KCNG3: variants seen among roughly 807,000 people sequenced by gnomAD.
KCNG3 encodes voltage-gated potassium channel regulatory subunit KCNG3.
Under a neutral mutation model 29.0 loss-of-function variants are expected in KCNG3, and 15 were observed. The observed-to-expected ratio is 0.52, with a 90% CI of 0.35 to 0.80. The LOEUF (loss-of-function observed/expected upper bound fraction) is 0.80. Ranked by LOEUF, KCNG3 falls within the 30% of genes least tolerant of loss-of-function variation. The pLI, the probability that KCNG3 is intolerant of heterozygous loss-of-function variation, is 0.01. For missense variants in KCNG3, 512 were observed against 605.7 expected (o/e 0.85, Z 1.62); for synonymous variants, 322 against 248.9 (o/e 1.29, Z -2.76).
chr2:42,465,922 T>C (rs981314743), intron 1 of KCNG3, among the ~76,000 whole-genome samples: 8 of 152,208 alleles, frequency 5.3e-5, no homozygotes, highest in Non-Finnish European at 1.2e-4. Flanking sequence ...GAGACATTAC[T>C]ACACTTGAGA....
downstream of KCNG3, among the ~76,000 whole-genome samples, chr2:42,439,194 G>C (rs1270429330): frequency 6.6e-6 from 1 of 151,646 alleles, no homozygotes; most frequent in Non-Finnish European, 1.5e-5. Flanking sequence ...GACATCTAAG[G>C]CTTCTAAAAG....
intron 1 of KCNG3, among the ~76,000 whole-genome samples, chr2:42,445,090 A>G (rs1490788968): frequency 2.0e-5 from 3 of 151,758 alleles, no homozygotes; most frequent in African/African-American, 7.3e-5. Flanking sequence ...AAAAAAAAAA[A>G]AAATTGAACT....
chr2:42,406,253 CTT>C, the KCNG3 span, among the ~76,000 whole-genome samples: 1 of 151,332 alleles, frequency 6.6e-6, no homozygotes, highest in African/African-American at 2.4e-5. Context: ...GAGTTTCACT[CTT>C]GTTGCCCAGT....
the KCNG3 span, among the ~76,000 whole-genome samples, chr2:42,407,630 C>T: frequency 3.9e-5 from 6 of 152,072 alleles, no homozygotes; most frequent in Non-Finnish European, 7.4e-5. Context: ...CAGGGAGCCC[C>T]GCTTGGGGGG....
rs903584633 is a variant in KCNG3, at chr2:42,443,684, G to T, written c.*250C>A. 1.4e-5 allele frequency: 5 copies of T among 363,204 alleles called. No homozygotes were observed. The highest frequency in any genetic ancestry group is 2.5e-5 in the Non-Finnish European group (5 of 203,256). 22.5% of individuals were successfully genotyped at this position (363,204 alleles called of 1,614,324 possible). ...AAAATGTGTAATCATTCAAGGAAAC[G>T]GGAAAACAAGTCTAAATAAAACCGG... On this transcript the variant is annotated 3_prime_UTR_variant, in exon 2 of 2. Coordinates refer to ENST00000306078, the MANE Select transcript of KCNG3 (RefSeq NM_133329.6).
chr2:42,484,976 T>C (rs2103735370), intron 1 of KCNG3, among the ~76,000 whole-genome samples: 1 of 152,332 alleles, frequency 6.6e-6, no homozygotes, highest in Non-Finnish European at 1.5e-5. Context: ...CACTAAGACT[T>C]TCATCTTCAG....
intron 1 of KCNG3, among the ~76,000 whole-genome samples, chr2:42,455,942 T>C (rs116015946): frequency 0.017 from 2,540 of 149,116 alleles, 66 homozygotes; most frequent in African/African-American, 0.059. Flanking sequence ...ACCTATAATA[T>C]GTGCATATAT....
intron 1 of KCNG3, among the ~76,000 whole-genome samples, chr2:42,450,009 C>G (rs1672710269): frequency 6.6e-6 from 1 of 152,166 alleles, no homozygotes; most frequent in Admixed American, 6.5e-5. Context: ...GCCTCACCAT[C>G]AAGTGGCAGA....
At chr2:42,484,789 T>C (rs1221308241) in intron 1 of KCNG3, among the ~76,000 whole-genome samples, 2 of 152,216 alleles carry the variant, frequency 1.3e-5, no homozygotes, top group Admixed American at 6.5e-5. Context: ...AGAAAGGGCA[T>C]TGACAAAAGA....
the KCNG3 span, among the ~76,000 whole-genome samples, chr2:42,414,462 C>A: frequency 6.6e-6 from 1 of 151,852 alleles, no homozygotes; most frequent in South Asian, 2.1e-4. Context: ...TGTAGATAAT[C>A]TGTCTTTACC....
At chr2:42,466,313 G>A (rs186236960) in intron 1 of KCNG3, among the ~76,000 whole-genome samples, 4 of 152,302 alleles carry the variant, frequency 2.6e-5, no homozygotes, top group Non-Finnish European at 5.9e-5. Flanking sequence ...GGCTGAGGCA[G>A]GAGAATCGCT....
chr2:42,453,688 G>T (rs1355348275), intron 1 of KCNG3, among the ~76,000 whole-genome samples: 1 of 151,820 alleles, frequency 6.6e-6, no homozygotes, highest in African/African-American at 2.4e-5. Context: ...TCTTTCCTTT[G>T]CTGTGCAGAA....
At chr2:42,394,796 T>C in the KCNG3 span, among the ~76,000 whole-genome samples, 3 of 152,216 alleles carry the variant, frequency 2.0e-5, no homozygotes, top group Admixed American at 6.5e-5. Context: ...CTTTGGCACA[T>C]GTTGTCACGA....
At chr2:42,464,308 C>G (rs1210131797) in intron 1 of KCNG3, among the ~76,000 whole-genome samples, 1 of 152,158 alleles carries the variant, frequency 6.6e-6, no homozygotes, top group Non-Finnish European at 1.5e-5. Context: ...CTCAAGTGAT[C>G]CACCTGCCTT....
the KCNG3 span, among the ~76,000 whole-genome samples, chr2:42,426,137 A>G: frequency 6.6e-6 from 1 of 152,208 alleles, no homozygotes; most frequent in Non-Finnish European, 1.5e-5. Flanking sequence ...TAAATTAATC[A>G]AATATTTGAT....
chr2:42,470,720 A>G (rs1278312003), intron 1 of KCNG3, among the ~76,000 whole-genome samples: 1 of 151,516 alleles, frequency 6.6e-6, no homozygotes, highest in Non-Finnish European at 1.5e-5. Flanking sequence ...ACAAAAAAGT[A>G]CAAAAATTAG....
the KCNG3 span, among the ~76,000 whole-genome samples, chr2:42,396,231 G>A: frequency 6.6e-6 from 1 of 152,138 alleles, no homozygotes; most frequent in Non-Finnish European, 1.5e-5. Flanking sequence ...AAATCATTAA[G>A]TTGAACCATA....
the KCNG3 span, among the ~76,000 whole-genome samples, chr2:42,391,292 C>T: frequency 6.6e-6 from 1 of 152,148 alleles, no homozygotes; most frequent in Non-Finnish European, 1.5e-5. Flanking sequence ...GACCAGAAGA[C>T]AAGCCCCTAA....
At chr2:42,424,482 C>A in the KCNG3 span, among the ~76,000 whole-genome samples, 10 of 151,146 alleles carry the variant, frequency 6.6e-5, no homozygotes, top group East Asian at 1.7e-3. Flanking sequence ...TCTCAGGTAT[C>A]CAAAAGTTCA....
Sources: gnomAD v4.1 joint callset for allele counts (sites outside exome capture counted in the v4.1 genomes callset) on GRCh38, gnomAD v4.1.1 for gene constraint, MANE v1.5 for transcripts, NCBI Gene and HGNC (gene_info 2026-07-23, HGNC 2026-07-21) for gene names.